Variants in ST6GAL1 observed in about 807,000 individuals in gnomAD.
The protein encoded by ST6GAL1 is beta-galactoside alpha-2,6-sialyltransferase 1.
A neutral mutation model predicts 38.0 loss-of-function variants in ST6GAL1; 20 were observed. The observed-to-expected ratio is 0.53, with a 90% CI of 0.37 to 0.77. The LOEUF (loss-of-function observed/expected upper bound fraction) is 0.77, where lower values mean the gene tolerates loss of function less well. Ranked by LOEUF, ST6GAL1 falls within the 30% of genes least tolerant of loss-of-function variation. ST6GAL1 has a pLI of 0.00. For missense variants in ST6GAL1, 432 were observed against 496.4 expected (o/e 0.87, Z 1.23); for synonymous variants, 196 against 188.2 (o/e 1.04, Z -0.34).
At chr3:186,977,349 G>A (rs1217110901) in intron 2 of ST6GAL1, among the ~76,000 whole-genome samples, 1 of 152,208 alleles carries the variant, frequency 6.6e-6, no homozygotes, top group South Asian at 2.1e-4. Context: ...ATAAAGGCGA[G>A]CTATTTTGGC....
At chr3:186,972,489 A>C (rs1453401419) in intron 2 of ST6GAL1, among the ~76,000 whole-genome samples, 3 of 151,926 alleles carry the variant, frequency 2.0e-5, no homozygotes, top group Admixed American at 2.0e-4. Context: ...ACCTCCTGTG[A>C]TCTGCCCGCC....
intron 2 of ST6GAL1, among the ~76,000 whole-genome samples, chr3:187,010,808 A>G (rs1373891300): frequency 6.6e-6 from 1 of 152,218 alleles, no homozygotes; most frequent in East Asian, 1.9e-4. Context: ...ATCACCTTGT[A>G]ATAGTCTTAA....
At position 186,951,808 on chromosome 3, in the gene ST6GAL1, C is replaced by G. The variant is rs193105866; in HGVS notation, c.-324-11977C>G. ...TACCGTAAACAGGGTGGTTTATAAA[C>G]AAAAGAAATGTATTGCTCATAGTTC... On this transcript the variant is annotated intron_variant, in intron 1 of 7. Coordinates refer to ENST00000169298, the MANE Select transcript of ST6GAL1 (RefSeq NM_173216.2). 3.4e-4 allele frequency among the ~76,000 whole-genome samples: 51 copies of G among 152,228 alleles called. 1 individual carries two copies. The highest frequency in any genetic ancestry group is 3.3e-4 in the Admixed American group (5 of 15,296).
chr3:186,974,259 C>G (rs1715448356), intron 2 of ST6GAL1, among the ~76,000 whole-genome samples: 6 of 152,202 alleles, frequency 3.9e-5, no homozygotes, highest in Admixed American at 3.3e-4. Flanking sequence ...TAGACCGTTC[C>G]TTGAGATTAC....
At chr3:187,011,290 T>A (rs563057870) in intron 2 of ST6GAL1, among the ~76,000 whole-genome samples, 8 of 152,336 alleles carry the variant, frequency 5.3e-5, no homozygotes, top group African/African-American at 1.9e-4. Flanking sequence ...TGAGCCACCG[T>A]GCCCGGAGAA....
chr3:186,985,753 T>G (rs1579295921), intron 2 of ST6GAL1, among the ~76,000 whole-genome samples: 9 of 138,522 alleles, frequency 6.5e-5, no homozygotes, highest in African/African-American at 5.4e-5. Context: ...CCAGCCTGGG[T>G]GGCAGAGTGA....
At chr3:187,017,670 T>G (rs116810877) in intron 2 of ST6GAL1, among the ~76,000 whole-genome samples, 298 of 152,324 alleles carry the variant, frequency 2.0e-3, no homozygotes, top group African/African-American at 6.8e-3. Flanking sequence ...TTGGTGACTT[T>G]AAGGAGAGGT....
intron 2 of ST6GAL1, among the ~76,000 whole-genome samples, chr3:186,975,967 A>C (rs994898847): frequency 1.3e-5 from 2 of 152,208 alleles, no homozygotes; most frequent in Admixed American, 6.5e-5. Flanking sequence ...ACAGCCTCCC[A>C]GCCTCCCATA....
intron 1 of ST6GAL1, 77 bp downstream of exon 1, chr3:186,930,911 G>A (rs1020893486): frequency 1.3e-5 from 2 of 153,296 alleles, no homozygotes; most frequent in East Asian, 3.9e-4. Flanking sequence ...GGCGCGGGAG[G>A]ATAGCGGAGG....
At chr3:187,030,540 C>T (rs1211728468) in intron 2 of ST6GAL1, among the ~76,000 whole-genome samples, 1 of 152,114 alleles carries the variant, frequency 6.6e-6, no homozygotes, top group African/African-American at 2.4e-5. Flanking sequence ...TTCAAGCGAT[C>T]CTCCTGCCTC....
chr3:186,988,068 A>G (rs1410388984), intron 2 of ST6GAL1, among the ~76,000 whole-genome samples: 2 of 152,200 alleles, frequency 1.3e-5, no homozygotes, highest in African/African-American at 4.8e-5. Context: ...GACCATCCCA[A>G]GTATCTCCTC....
intron 5 of ST6GAL1, among the ~76,000 whole-genome samples, chr3:187,063,022 G>A (rs1007595549): frequency 6.6e-6 from 1 of 152,150 alleles, no homozygotes; most frequent in African/African-American, 2.4e-5. Flanking sequence ...AAAAAGTTCT[G>A]GAGATGGTGG....
intron 5 of ST6GAL1, among the ~76,000 whole-genome samples, chr3:187,058,007 C>T (rs552274682): frequency 2.6e-5 from 4 of 152,328 alleles, no homozygotes; most frequent in South Asian, 4.1e-4. Context: ...CAATGGCAGA[C>T]GCCCCTCCCC....
chr3:187,046,006 T>C (rs114401107), intron 4 of ST6GAL1, among the ~76,000 whole-genome samples: 1,644 of 152,240 alleles, frequency 0.011, 78 homozygotes, highest in Admixed American at 0.082. Flanking sequence ...AATAAGGACT[T>C]TAGGTTTCAT....
Position 186,985,489 on chromosome 3 carries a change from G to A in ST6GAL1, c.-183+21563G>A, listed in dbSNP as rs1241962921. 3.3e-5 allele frequency among the ~76,000 whole-genome samples: 5 copies of A among 151,810 alleles called. No homozygotes were observed. In the East Asian group the frequency reaches 7.7e-4, roughly 24 times the overall value. ...TGCAGGTCTCTAAAAGTTTTTGAAAGGATATGATCTGAGGCTAGGCACTCC... is the reference window on the plus strand; with the variant it reads ...TGCAGGTCTCTAAAAGTTTTTGAAAAGATATGATCTGAGGCTAGGCACTCC... On this transcript the variant is annotated intron_variant, in intron 2 of 7. Transcript: ENST00000169298.
chr3:187,037,159 G>A (rs1431856402), intron 2 of ST6GAL1, among the ~76,000 whole-genome samples: 6 of 152,252 alleles, frequency 3.9e-5, no homozygotes, highest in African/African-American at 1.4e-4. Context: ...TTCTAGAAAG[G>A]TTACATTAAT....
chr3:186,985,252 A>AAGT (rs1223136113), intron 2 of ST6GAL1, among the ~76,000 whole-genome samples: 18 of 151,972 alleles, frequency 1.2e-4, no homozygotes, highest in African/African-American at 4.1e-4. Flanking sequence ...CTAAGCACTT[A>AAGT]GCATCTTTTA....
chr3:186,944,151 C>T (rs1714274866), intron 1 of ST6GAL1, among the ~76,000 whole-genome samples: 1 of 152,126 alleles, frequency 6.6e-6, no homozygotes, highest in South Asian at 2.1e-4. Context: ...CTTTATGTGC[C>T]CAACCACGTG....
intron 5 of ST6GAL1, among the ~76,000 whole-genome samples, chr3:187,068,186 C>CA (rs1325655373): frequency 6.6e-6 from 1 of 151,838 alleles, no homozygotes; most frequent in Non-Finnish European, 1.5e-5. Flanking sequence ...ACTAAAAATA[C>CA]AAAAAATTAG....
Sources: allele counts gnomAD v4.1 joint callset (sites outside exome capture counted in the v4.1 genomes callset), GRCh38; gene constraint gnomAD v4.1.1; transcripts MANE v1.5; gene names NCBI Gene and HGNC (gene_info 2026-07-23, HGNC 2026-07-21).